Variants in EXOC4 observed in about 807,000 individuals in gnomAD.
EXOC4 encodes SEC8-like 1.
In EXOC4, 71 loss-of-function variants were observed where a neutral mutation model predicts 107.2. The observed-to-expected ratio is 0.66, with a 90% confidence interval of 0.55 to 0.81. The LOEUF is 0.81. EXOC4 is among the 30% of genes least tolerant of loss of function. The probability of loss-of-function intolerance (pLI) is 0.00; values close to 1 mark genes in which losing one functional copy is unlikely to be tolerated. For missense variants in EXOC4, 1,108 were observed against 1,189.6 expected, an observed-to-expected ratio of 0.93 and a Z score of 1.01; for synonymous variants, 456 against 441.2, an observed-to-expected ratio of 1.03 and a Z score of -0.42.
At chr7:133,903,940 C>G (rs1284018436) in intron 12 of EXOC4, among the ~76,000 whole-genome samples, 1 of 152,080 alleles carries the variant, frequency 6.6e-6, no homozygotes, top group East Asian at 1.9e-4. Context: ...GAACTCAGCA[C>G]GGACTGAGTG....
At chr7:133,746,860 C>A (rs2151134093) in intron 10 of EXOC4, among the ~76,000 whole-genome samples, 1 of 152,218 alleles carries the variant, frequency 6.6e-6, no homozygotes, top group East Asian at 1.9e-4. Context: ...CTACCATGAT[C>A]CTTATGAGTC....
intron 7 of EXOC4, among the ~76,000 whole-genome samples, chr7:133,387,410 A>T (rs924836955): frequency 1.3e-5 from 2 of 152,166 alleles, no homozygotes; most frequent in Non-Finnish European, 2.9e-5. Context: ...GCTCTAACTG[A>T]TCTCCATTTA....
intron 9 of EXOC4, among the ~76,000 whole-genome samples, chr7:133,604,648 T>G (rs1801886254): frequency 6.6e-6 from 1 of 151,744 alleles, no homozygotes; most frequent in Admixed American, 6.6e-5. Context: ...CAGCTCTGGT[T>G]TCATCTTTGC....
At chr7:133,327,812 A>G (rs1434841487) in intron 5 of EXOC4, among the ~76,000 whole-genome samples, 3 of 152,106 alleles carry the variant, frequency 2.0e-5, no homozygotes, top group Non-Finnish European at 4.4e-5. Flanking sequence ...ACTGTTTGTT[A>G]TGATTTCCGT....
At chr7:134,078,549 C>T in the EXOC4 span, among the ~76,000 whole-genome samples, 336 of 152,132 alleles carry the variant, frequency 2.2e-3, 2 homozygotes, top group Middle Eastern at 0.017. Context: ...CAACGTAGGC[C>T]CAATCACCAA....
chr7:133,978,288 T>C (rs998384936), intron 14 of EXOC4, among the ~76,000 whole-genome samples: 5 of 152,338 alleles, frequency 3.3e-5, no homozygotes, highest in Admixed American at 6.5e-5. Flanking sequence ...TAAAAGCCAG[T>C]TGAGATCTAC....
At chr7:133,896,637 C>A (rs183406996) in intron 12 of EXOC4, among the ~76,000 whole-genome samples, 1 of 149,064 alleles carries the variant, frequency 6.7e-6, no homozygotes, top group Admixed American at 6.7e-5. Flanking sequence ...CAGTTGCCCC[C>A]TATTTTATTT....
At chr7:133,686,175 A>C (rs1203899294) in intron 10 of EXOC4, among the ~76,000 whole-genome samples, 1 of 152,160 alleles carries the variant, frequency 6.6e-6, no homozygotes, top group East Asian at 1.9e-4. Flanking sequence ...ATGACTCTGC[A>C]GAAAGTCCTC....
At chr7:133,404,885 TACACAC>T (rs68148382) in intron 7 of EXOC4, among the ~76,000 whole-genome samples, 1 of 94,178 alleles carries the variant, frequency 1.1e-5, no homozygotes, top group South Asian at 4.9e-4. Flanking sequence ...CCCCCCCCAA[TACACAC>T]ACACACACAC....
At chr7:133,453,444 G>C (rs1246084677) in intron 7 of EXOC4, among the ~76,000 whole-genome samples, 1 of 152,098 alleles carries the variant, frequency 6.6e-6, no homozygotes, top group African/African-American at 2.4e-5. Context: ...ATAGCACGCA[G>C]ATCTGTAATC....
intron 9 of EXOC4, among the ~76,000 whole-genome samples, chr7:133,530,766 A>AT (rs1261197006): frequency 6.6e-6 from 1 of 152,214 alleles, no homozygotes; most frequent in Non-Finnish European, 1.5e-5. Context: ...GAGTAAAAAA[A>AT]GGAAAGTTAA....
At chr7:133,292,872 C>T (rs1051065519) in intron 3 of EXOC4, among the ~76,000 whole-genome samples, 4 of 152,170 alleles carry the variant, frequency 2.6e-5, no homozygotes, top group African/African-American at 9.7e-5. Flanking sequence ...TGTAATACCA[C>T]TACAGAGAGA....
intron 10 of EXOC4, among the ~76,000 whole-genome samples, chr7:133,749,379 A>G (rs952274944): frequency 1.3e-5 from 2 of 152,096 alleles, no homozygotes; most frequent in Non-Finnish European, 2.9e-5. Context: ...AACTCTAAAA[A>G]TGTGACTTAA....
chr7:133,479,938 G>A (rs887070422), intron 8 of EXOC4, 112 bp from the exon 9 acceptor site: 42 of 883,372 alleles, frequency 4.8e-5, no homozygotes, highest in Admixed American at 1.5e-4. Flanking sequence ...TCTTCATCAC[G>A]GAACATCGGG....
intron 12 of EXOC4, among the ~76,000 whole-genome samples, chr7:133,896,519 A>G (rs1799311957): frequency 1.1e-5 from 1 of 87,562 alleles, no homozygotes; most frequent in African/African-American, 1.2e-4. Context: ...CAAGAAAGAG[A>G]AAGGGGTTGT....
chr7:134,024,781 G>A (rs978552515), intron 17 of EXOC4, among the ~76,000 whole-genome samples: 4 of 152,158 alleles, frequency 2.6e-5, no homozygotes, highest in Non-Finnish European at 5.9e-5. Context: ...GGGGAGCTAA[G>A]GACTCCAAGC....
At chr7:133,684,563 A>G (rs1425183273) in intron 10 of EXOC4, among the ~76,000 whole-genome samples, 2 of 152,228 alleles carry the variant, frequency 1.3e-5, no homozygotes, top group African/African-American at 2.4e-5. Context: ...AGGACCCCAT[A>G]AAAAGAAAAT....
intron 10 of EXOC4, among the ~76,000 whole-genome samples, chr7:133,743,615 A>G (rs1795613933): frequency 1.3e-5 from 2 of 151,780 alleles, no homozygotes; most frequent in South Asian, 4.2e-4. Flanking sequence ...ATGTTTGGAA[A>G]CTAGATGCCA....
At chr7:133,669,212 G>A (rs1041621) in intron 10 of EXOC4, among the ~76,000 whole-genome samples, 65,100 of 151,604 alleles carry the variant, frequency 0.43, 14,899 homozygotes, top group Admixed American at 0.57. Context: ...GAGCCAAATC[G>A]AGCTGTCTCT....
Sources: gnomAD v4.1 joint callset for allele counts (sites outside exome capture counted in the v4.1 genomes callset) on GRCh38, gnomAD v4.1.1 for gene constraint, MANE v1.5 for transcripts, NCBI Gene and HGNC (gene_info 2026-07-23, HGNC 2026-07-21) for gene names.